SH2D4A: variants seen among roughly 807,000 people sequenced by gnomAD.
SH2D4A encodes SH2 domain containing 4A.
In SH2D4A, 70 loss-of-function variants were observed where a neutral mutation model predicts 64.7. The ratio of observed to expected loss-of-function variants is 1.08; its 90% confidence interval spans 0.89 to 1.32. SH2D4A has a LOEUF of 1.32. Among genes scored for constraint, SH2D4A ranks in the 40% most tolerant of loss-of-function variants. The pLI, the probability that SH2D4A is intolerant of heterozygous loss-of-function variation, is 0.00. For missense variants in SH2D4A, 706 were observed against 540.1 expected (o/e 1.31, Z -3.04); for synonymous variants, 268 against 200.7 (o/e 1.34, Z -2.83).
At chr8:19,334,608 G>C in intron 3 of SH2D4A, 78 bp from the exon 4 acceptor site, 1 of 1,456,504 alleles carries the variant, frequency 6.9e-7, no homozygotes, top group Non-Finnish European at 9.2e-7. Flanking sequence ...CACATAATTT[G>C]AATGTCGACA....
At chr8:19,359,643 T>G (rs1055638119) in intron 5 of SH2D4A, among the ~76,000 whole-genome samples, 4 of 151,686 alleles carry the variant, frequency 2.6e-5, no homozygotes, top group Non-Finnish European at 5.9e-5. Flanking sequence ...CTTTGGATTT[T>G]CAAATGTTGG....
chr8:19,358,397 C>A (rs1356627398), intron 5 of SH2D4A, among the ~76,000 whole-genome samples: 1 of 151,930 alleles, frequency 6.6e-6, no homozygotes, highest in African/African-American at 2.4e-5. Flanking sequence ...TTAAGCACTG[C>A]AGAGGAAAAT....
At chr8:19,370,220 G>A (rs1489136637) in intron 7 of SH2D4A, among the ~76,000 whole-genome samples, 1 of 151,996 alleles carries the variant, frequency 6.6e-6, no homozygotes, top group East Asian at 1.9e-4. Context: ...TTGAGATACT[G>A]TGTATTCTGC....
intron 8 of SH2D4A, among the ~76,000 whole-genome samples, chr8:19,383,292 A>C (rs1466060338): frequency 6.6e-6 from 1 of 151,828 alleles, no homozygotes; most frequent in African/African-American, 2.4e-5. Flanking sequence ...TCCTATCTTC[A>C]AGTTCAGTGA....
At chr8:19,362,711 G>T (rs1455191333) in intron 6 of SH2D4A, among the ~76,000 whole-genome samples, 1 of 152,086 alleles carries the variant, frequency 6.6e-6, no homozygotes, top group Non-Finnish European at 1.5e-5. Flanking sequence ...CTGCACTTCA[G>T]CCTGGGCAAT....
intron 4 of SH2D4A, among the ~76,000 whole-genome samples, chr8:19,339,689 T>C (rs1403207219): frequency 6.6e-6 from 1 of 151,992 alleles, no homozygotes; most frequent in Admixed American, 6.6e-5. Context: ...TTTATAGTGA[T>C]GGGATCTCGC....
intron 2 of SH2D4A, among the ~76,000 whole-genome samples, chr8:19,324,103 C>G (rs2052233978): frequency 1.3e-5 from 2 of 152,226 alleles, no homozygotes; most frequent in African/African-American, 4.8e-5. Context: ...GCGCCTTGCG[C>G]ACATCTAAAA....
intron 2 of SH2D4A, among the ~76,000 whole-genome samples, chr8:19,323,110 G>A (rs1240688356): frequency 2.6e-5 from 4 of 151,994 alleles, no homozygotes; most frequent in Admixed American, 2.0e-4. Flanking sequence ...AGGGAGAGAC[G>A]TATGGATCTA....
intron 2 of SH2D4A, among the ~76,000 whole-genome samples, chr8:19,330,603 G>T (rs989635877): frequency 3.9e-5 from 6 of 152,178 alleles, no homozygotes; most frequent in Non-Finnish European, 7.4e-5. Context: ...CTGCAGCAAT[G>T]CCCCTTTTCC....
intron 4 of SH2D4A, among the ~76,000 whole-genome samples, chr8:19,354,567 C>T (rs1585174232): frequency 6.6e-6 from 1 of 152,062 alleles, no homozygotes; most frequent in East Asian, 1.9e-4. Context: ...AGGCAGTGAG[C>T]ATGCTGAAAG....
intron 8 of SH2D4A, among the ~76,000 whole-genome samples, chr8:19,391,529 T>C (rs559592168): frequency 1.2e-4 from 19 of 152,268 alleles, no homozygotes; most frequent in African/African-American, 4.6e-4. Flanking sequence ...TCGAGGATGT[T>C]GACTATCTGC....
chr8:19,378,956 C>T (rs1490426734), intron 8 of SH2D4A, among the ~76,000 whole-genome samples: 1 of 143,294 alleles, frequency 7.0e-6, no homozygotes, highest in Admixed American at 6.8e-5. Flanking sequence ...GCGGTGCATG[C>T]CTGTAGTCCC....
intron 2 of SH2D4A, among the ~76,000 whole-genome samples, chr8:19,324,770 A>G (rs11779545): frequency 0.17 from 25,645 of 152,030 alleles, 2,407 homozygotes; most frequent in South Asian, 0.3. Flanking sequence ...GAAAGCTTAG[A>G]GCTAGGAAAA....
At chr8:19,324,268 G>C (rs2052238423) in intron 2 of SH2D4A, among the ~76,000 whole-genome samples, 1 of 152,228 alleles carries the variant, frequency 6.6e-6, no homozygotes. Flanking sequence ...GCAATGGGCT[G>C]AGATCTGGTT....
At chr8:19,357,879 C>A (rs11991640) in intron 5 of SH2D4A, among the ~76,000 whole-genome samples, 39,612 of 152,044 alleles carry the variant, frequency 0.26, 6,385 homozygotes, top group African/African-American at 0.46. Flanking sequence ...TTTGACCTAC[C>A]GAGAGTCTGA....
chr8:19,395,650 C>A lies in SH2D4A; in HGVS notation c.*1008C>A, dbSNP rs1407162363. ...GGACAAGAGGCAAGTTGGAGTGATG[C>A]AGCCGGAAGGGAAGGGACACCAAGG... On this transcript the variant is annotated 3_prime_UTR_variant, in exon 10 of 10. Coordinates refer to ENST00000265807, the MANE Select transcript of SH2D4A (RefSeq NM_022071.4). The A allele has an allele frequency of 6.6e-6, 1 of 152,212 alleles. No individual in the cohort carries two copies. The highest frequency in any genetic ancestry group is 1.5e-5 in the Non-Finnish European group (1 of 68,112). The allele number at this position is 152,212 out of a possible 1,614,324, so 9.4% of individuals were successfully genotyped here.
rs1483432716 is a variant in SH2D4A at position 19,366,424 on chromosome 8, C to T, written c.917+2142C>T. Among the ~76,000 whole-genome samples the T allele has an allele frequency of 4.6e-5, 7 of 152,088 alleles. No homozygotes were observed. In the East Asian group the frequency reaches 9.6e-4, roughly 21 times the overall value. On this transcript the variant is annotated intron_variant, in intron 7 of 9. Transcript: ENST00000265807. ...TATTTCTGCTGTCTCACTGTAACTGCGCCAGTTGACCAACCTCTCCCTATT... is the reference window on the plus strand; with the variant it reads ...TATTTCTGCTGTCTCACTGTAACTGTGCCAGTTGACCAACCTCTCCCTATT...
At chr8:19,336,503 C>T (rs117663093) in intron 4 of SH2D4A, among the ~76,000 whole-genome samples, 1,616 of 152,256 alleles carry the variant, frequency 0.011, 9 homozygotes, top group Admixed American at 0.016. Flanking sequence ...GGCTCCCCTT[C>T]CCACACCCCT....
chr8:19,339,656 C>G (rs1229936191), intron 4 of SH2D4A, among the ~76,000 whole-genome samples: 1 of 151,976 alleles, frequency 6.6e-6, no homozygotes, highest in Non-Finnish European at 1.5e-5. Context: ...CAGGCCACCA[C>G]CCCCAGCCAA....
Sources: allele counts gnomAD v4.1 joint callset (sites outside exome capture counted in the v4.1 genomes callset), GRCh38; gene constraint gnomAD v4.1.1; transcripts MANE v1.5; gene names NCBI Gene and HGNC (gene_info 2026-07-23, HGNC 2026-07-21).